PLXDC2: variants seen among roughly 807,000 people sequenced by gnomAD.
The protein encoded by PLXDC2 is plexin domain-containing protein 2.
A neutral mutation model predicts 68.9 loss-of-function variants in PLXDC2; 40 were observed. That is an observed-to-expected ratio of 0.58 (90% CI 0.45 to 0.76). The LOEUF (loss-of-function observed/expected upper bound fraction) is 0.76. PLXDC2 is among the 30% of genes least tolerant of loss of function. PLXDC2 has a pLI of 0.00. For missense variants in PLXDC2, 644 were observed against 661.9 expected (o/e 0.97, Z 0.30); for synonymous variants, 243 against 234.2 (o/e 1.04, Z -0.34).
At chr10:20,055,882 A>G (rs984237900) in intron 3 of PLXDC2, among the ~76,000 whole-genome samples, 6 of 152,192 alleles carry the variant, frequency 3.9e-5, no homozygotes, top group African/African-American at 1.4e-4. Context: ...TAGTTATAAA[A>G]TATTAAAGGA....
intron 4 of PLXDC2, among the ~76,000 whole-genome samples, chr10:20,068,780 A>G (rs1172323041): frequency 6.6e-6 from 1 of 151,936 alleles, no homozygotes; most frequent in Non-Finnish European, 1.5e-5. Flanking sequence ...GCTGAAATCC[A>G]GCTCAAATTT....
chr10:19,845,366 G>GA (rs1230903385), intron 1 of PLXDC2, among the ~76,000 whole-genome samples: 2 of 152,170 alleles, frequency 1.3e-5, no homozygotes, highest in Non-Finnish European at 2.9e-5. Flanking sequence ...TCGCAAGCAG[G>GA]AGGGGAAGTG....
chr10:20,023,803 T>A (rs776751564), intron 2 of PLXDC2, among the ~76,000 whole-genome samples: 2 of 152,192 alleles, frequency 1.3e-5, no homozygotes, highest in East Asian at 1.9e-4. Context: ...ATTATTTGAT[T>A]ACTTAATATA....
At chr10:20,165,435 C>A (rs942097455) in intron 7 of PLXDC2, among the ~76,000 whole-genome samples, 14 of 152,168 alleles carry the variant, frequency 9.2e-5, no homozygotes, top group Middle Eastern at 3.4e-3. Flanking sequence ...CCTTTCCCCC[C>A]ACCCCACAAC....
intron 1 of PLXDC2, among the ~76,000 whole-genome samples, chr10:19,851,656 AT>A (rs2131326689): frequency 6.6e-6 from 1 of 152,104 alleles, no homozygotes; most frequent in African/African-American, 2.4e-5. Context: ...AGTGATTCTC[AT>A]GTCTCAGCCT....
intron 4 of PLXDC2, among the ~76,000 whole-genome samples, chr10:20,103,241 A>G (rs2131741211): frequency 6.6e-6 from 1 of 152,356 alleles, no homozygotes; most frequent in African/African-American, 2.4e-5. Flanking sequence ...GACAGTGCAT[A>G]TATAAAAATG....
chr10:20,029,864 G>A (rs1441682068), intron 2 of PLXDC2, among the ~76,000 whole-genome samples: 2 of 151,958 alleles, frequency 1.3e-5, no homozygotes, highest in African/African-American at 4.8e-5. Context: ...CTCTTCTTTT[G>A]TTCTGCCCTT....
intron 6 of PLXDC2, among the ~76,000 whole-genome samples, chr10:20,159,273 C>T (rs1349394497): frequency 6.6e-6 from 1 of 152,194 alleles, no homozygotes; most frequent in African/African-American, 2.4e-5. Context: ...CAACCTATAA[C>T]ATTCCTGATG....
intron 3 of PLXDC2, among the ~76,000 whole-genome samples, chr10:20,059,780 T>TAA (rs61451675): frequency 6.6e-6 from 1 of 151,590 alleles, no homozygotes; most frequent in African/African-American, 2.4e-5. Context: ...AAAATCCCTT[T>TAA]AAAAAAAAAT....
intron 1 of PLXDC2, among the ~76,000 whole-genome samples, chr10:19,936,058 C>T (rs148015083): frequency 2.0e-5 from 3 of 152,292 alleles, no homozygotes; most frequent in Admixed American, 6.5e-5. Flanking sequence ...TATAAATTTG[C>T]TCATGGGGTG....
intron 13 of PLXDC2, among the ~76,000 whole-genome samples, chr10:20,276,515 A>T (rs954074624): frequency 1.3e-5 from 2 of 152,164 alleles, no homozygotes; most frequent in African/African-American, 2.4e-5. Flanking sequence ...TCACATAAAT[A>T]ATTCTCAGAA....
chr10:19,982,662 TTTG>T (rs1272914784), intron 1 of PLXDC2, among the ~76,000 whole-genome samples: 2 of 152,158 alleles, frequency 1.3e-5, no homozygotes, highest in Non-Finnish European at 2.9e-5. Flanking sequence ...AGTAAGTTTT[TTTG>T]TTGTTCTTTT....
intron 13 of PLXDC2, among the ~76,000 whole-genome samples, chr10:20,252,182 A>T (rs1178227909): frequency 6.6e-6 from 1 of 152,208 alleles, no homozygotes. Flanking sequence ...GATTGGAGAA[A>T]TACAGAGTAT....
chr10:20,070,322 A>T (rs1836294269), intron 4 of PLXDC2, among the ~76,000 whole-genome samples: 1 of 152,226 alleles, frequency 6.6e-6, no homozygotes, highest in South Asian at 2.1e-4. Context: ...TTTGTGTGAA[A>T]AATATTGAAG....
At chr10:20,091,307 G>C (rs1453569220) in intron 4 of PLXDC2, among the ~76,000 whole-genome samples, 1 of 152,046 alleles carries the variant, frequency 6.6e-6, no homozygotes, top group African/African-American at 2.4e-5. Context: ...CTTAAATCTT[G>C]CTGTCATGCT....
chr10:19,822,291 A>C (rs1836484611), intron 1 of PLXDC2, among the ~76,000 whole-genome samples: 2 of 149,692 alleles, frequency 1.3e-5, no homozygotes, highest in South Asian at 4.2e-4. Context: ...TATATATGCA[A>C]TATATATAAT....
intron 6 of PLXDC2, among the ~76,000 whole-genome samples, chr10:20,149,984 A>G (rs189057075): frequency 9.5e-4 from 145 of 152,272 alleles, no homozygotes; most frequent in African/African-American, 3.4e-3. Context: ...GATGCAGAAA[A>G]TACACAGAGT....
intron 3 of PLXDC2, among the ~76,000 whole-genome samples, chr10:20,052,038 A>G (rs1835910845): frequency 6.6e-6 from 1 of 151,914 alleles, no homozygotes; most frequent in African/African-American, 2.4e-5. Context: ...AAACACACAC[A>G]CACCGCACAC....
chr10:20,074,184 A>G lies in PLXDC2; in HGVS notation c.541+5945A>G, dbSNP rs189276028. On this transcript the variant is annotated intron_variant, in intron 4 of 13. Transcript: ENST00000377252. The stretch of plus-strand genomic sequence containing the variant: ...TAATGAATGTGTATTACTTACCTTG[A>G]TCATAGGAAGAATTTGCCTTCCCTT... Among the ~76,000 whole-genome samples the G allele has an allele frequency of 3.1e-4, 47 of 152,258 alleles. No individual in the cohort carries two copies. The East Asian group carries it at 8.9e-3, about 29-fold the overall frequency.
Sources: gnomAD v4.1 joint callset for allele counts (sites outside exome capture counted in the v4.1 genomes callset) on GRCh38, gnomAD v4.1.1 for gene constraint, MANE v1.5 for transcripts, NCBI Gene and HGNC (gene_info 2026-07-23, HGNC 2026-07-21) for gene names.